ABR: variants seen among roughly 807,000 people sequenced by gnomAD.
ABR encodes the protein ABR activator of RhoGEF and GTPase, also known as active breakpoint cluster region-related protein.
In ABR, 35 loss-of-function variants were observed where a neutral mutation model predicts 107.2. That is an observed-to-expected ratio of 0.33 (90% confidence interval 0.25 to 0.43). The LOEUF (loss-of-function observed/expected upper bound fraction) is 0.43. Among genes scored for constraint, ABR ranks in the 20% least tolerant of loss-of-function variants. The probability of loss-of-function intolerance (pLI) is 1.00; values close to 1 mark genes in which losing one functional copy is unlikely to be tolerated. For missense variants in ABR, 815 were observed against 1,115.2 expected (o/e 0.73, Z 3.83); for synonymous variants, 498 against 462.0 (o/e 1.08, Z -1.00).
rs372447239 is a variant in ABR at position 1,057,122 on chromosome 17, A to G, written c.1382-20T>C. ...GGAGATCTGGAGGGAGAGCCGAGAG[A>G]GAAGGGAGCGTGGGCACTGGTCCAC... On this transcript the variant is annotated intron_variant, in intron 12 of 22. Transcript: ENST00000302538. 4.5e-6 allele frequency: 7 copies of G among 1,565,664 alleles called. No homozygotes were observed. Among genetic ancestry groups the G allele is most frequent in the Non-Finnish European group, 6.2e-6 (7 of 1,138,026 alleles).
chr17:1,222,074 C>CTTTTTT (rs1488404002), intron 1 of ABR, among the ~76,000 whole-genome samples: 6 of 144,768 alleles, frequency 4.1e-5, no homozygotes, highest in Non-Finnish European at 6.0e-5. Context: ...AGGATCCCAT[C>CTTTTTT]TTTTTTTCTG....
intron 6 of ABR, among the ~76,000 whole-genome samples, chr17:1,075,654 T>C (rs1377707503): frequency 6.6e-6 from 1 of 152,274 alleles, no homozygotes; most frequent in African/African-American, 2.4e-5. Flanking sequence ...TCAGCATTTC[T>C]ATAAAGCTTC....
intron 10 of ABR, among the ~76,000 whole-genome samples, chr17:1,066,718 A>ATT (rs2034780055): frequency 1.3e-5 from 2 of 151,774 alleles, no homozygotes; most frequent in African/African-American, 4.8e-5. Flanking sequence ...TAGTAGAGAC[A>ATT]GGGTTTTGCC....
Position 1,200,448 on chromosome 17 carries a change from A to G in ABR, c.838+28345T>C, listed in dbSNP as rs555637949. ...ATGTAACTATTACAGCACCTTATAT[A>G]AGAGACTTGGGCGTCCTGGGATTCT... On this transcript the variant is annotated intron_variant, in intron 1 of 22. Transcript: ENST00000574139. The surrounding 1 kb of genome is among the most constrained non-coding windows in gnomAD (Gnocchi z 4.1). 2.6e-5 allele frequency among the ~76,000 whole-genome samples: 4 copies of G among 152,212 alleles called. No homozygotes were observed. In the East Asian group the frequency reaches 7.7e-4, roughly 29 times the overall value.
At position 1,021,753 on chromosome 17, in the gene ABR, G is replaced by A. The variant is rs71357148; in HGVS notation, c.1792-8589C>T. Among the ~76,000 whole-genome samples, 17 of 149,922 alleles carry A rather than the reference G, an allele frequency of 1.1e-4. No individual in the cohort carries two copies. In the South Asian group the frequency reaches 1.5e-3, roughly 13 times the overall value. ...CGGGAGGCGGAGGTTGCAGTGAGCC[G>A]GAGTTGAGATTGTGCCACTGCACTC... On this transcript the variant is annotated intron_variant, in intron 16 of 22. Transcript: ENST00000302538.
Position 1,011,033 on chromosome 17 carries a change from C to T in ABR, c.2102-170G>A, listed in dbSNP as rs944065811. 4.7e-5 allele frequency: 39 copies of T among 838,002 alleles called. No individual in the cohort carries two copies. The highest frequency in any genetic ancestry group is 3.7e-4 in the Middle Eastern group (1 of 2,730). The allele number at this position is 838,002 out of a possible 1,614,324, so 51.9% of individuals were successfully genotyped here. On this transcript the variant is annotated intron_variant, in intron 19 of 22. Coordinates refer to ENST00000302538, the MANE Select transcript of ABR (RefSeq NM_021962.5). This position sits in a 1 kb window ranked among gnomAD's most constrained non-coding sequence, Gnocchi z 4.8. ...GTGTCTGTGACTCGGCTCTGTGGGT[C>T]GGGGTTGGGGGAACAGGGAGAGATA...
At chr17:1,190,782 T>C (rs963285550), upstream of ABR, among the ~76,000 whole-genome samples, 25 of 152,224 alleles carry the variant, frequency 1.6e-4, no homozygotes, top group Admixed American at 1.1e-3. Context: ...AGATGCTGGT[T>C]GCTCACGGTA....
intron 16 of ABR, chr17:1,031,950 G>T (rs564838695): frequency 7.1e-6 from 6 of 846,956 alleles, no homozygotes; most frequent in South Asian, 5.9e-5. Context: ...CCCGCCCTCC[G>T]CGAGGCTGCA....
At chr17:1,114,200 G>A (rs1300041608) in intron 2 of ABR, among the ~76,000 whole-genome samples, 2 of 150,300 alleles carry the variant, frequency 1.3e-5, no homozygotes, top group Non-Finnish European at 3.0e-5. Flanking sequence ...GCTGGGCGCA[G>A]TGGCTCACGC....
chr17:1,159,512 A>G (rs868543329), intron 1 of ABR, among the ~76,000 whole-genome samples: 6 of 97,014 alleles, frequency 6.2e-5, no homozygotes, highest in Admixed American at 1.1e-4. Flanking sequence ...ACTCACACAC[A>G]GGAGAAGTAG....
chr17:1,109,415 G>C (rs936011482), intron 2 of ABR, among the ~76,000 whole-genome samples: 1 of 151,930 alleles, frequency 6.6e-6, no homozygotes, highest in Non-Finnish European at 1.5e-5. Flanking sequence ...CCGGGGCTCG[G>C]GCTCGCGCTC....
In ABR at chr17:1,067,179, G is replaced by A. The variant is rs199545490; in HGVS notation, c.1080C>T (p.Pro360=). Residue 360 remains proline, a synonymous_variant, in exon 10 of 23, where the codon CCC becomes CCT. Transcript: ENST00000302538. The part of the protein sequence containing the change: ...IPLADLVFPS[P]EESEASPQVH... Reference sequence around the variant, plus strand: ...CCTGGGGGCTGGCCTCAGACTCCTCGGGGGATGGAAACACCAGGTCGGCCA... The same window carrying A: ...CCTGGGGGCTGGCCTCAGACTCCTCAGGGGATGGAAACACCAGGTCGGCCA... The A allele has an allele frequency of 3.0e-5, 49 of 1,613,170 alleles. No individual in the cohort carries two copies. Among genetic ancestry groups the A allele is most frequent in the East Asian group, 4.5e-5 (2 of 44,850 alleles).
intron 1 of ABR, among the ~76,000 whole-genome samples, chr17:1,134,522 G>T (rs1485400135): frequency 1.3e-5 from 2 of 152,210 alleles, no homozygotes; most frequent in African/African-American, 4.8e-5. Flanking sequence ...CTCATTTCCT[G>T]CTCATGGGAA....
At chr17:1,192,266 G>A (rs767867606), upstream of ABR, among the ~76,000 whole-genome samples, 13 of 152,000 alleles carry the variant, frequency 8.6e-5, no homozygotes, top group African/African-American at 2.4e-4. Context: ...CATGAGCCAC[G>A]GCGCCCTGCA....
intron 1 of ABR, among the ~76,000 whole-genome samples, chr17:1,196,418 G>A (rs1046867206): frequency 3.3e-5 from 5 of 152,034 alleles, no homozygotes; most frequent in Non-Finnish European, 5.9e-5. Flanking sequence ...TGACAAGAGT[G>A]AAAACTCTGG....
rs185758979 is a variant in ABR at position 1,044,284 on chromosome 17, G to A, written c.1791+5766C>T. 3.8e-3 allele frequency among the ~76,000 whole-genome samples: 572 copies of A among 152,308 alleles called. 3 individuals are homozygous for A. The highest frequency in any genetic ancestry group is 0.012 in the African/African-American group (515 of 41,556). ...CCCACTAACAAGCTCTGTGACCGCGGCTGCCTCGCTCACCCTTGCTGGTGT... is the reference window on the plus strand; with the variant it reads ...CCCACTAACAAGCTCTGTGACCGCGACTGCCTCGCTCACCCTTGCTGGTGT... On this transcript the variant is annotated intron_variant, in intron 16 of 22. Coordinates refer to ENST00000302538, the MANE Select transcript of ABR (RefSeq NM_021962.5).
chr17:1,098,541 TCAACCCACTGTACTGGTTTCA>T (rs1018006095), intron 3 of ABR, among the ~76,000 whole-genome samples: 4 of 152,334 alleles, frequency 2.6e-5, no homozygotes, highest in East Asian at 3.9e-4. Context: ...AAATGCTGGT[TCAACCCACTGTACTGGTTTCA>T]CAACCCACTG....
At chr17:1,184,564 C>T (rs2042233690), upstream of ABR, among the ~76,000 whole-genome samples, 1 of 152,244 alleles carries the variant, frequency 6.6e-6, no homozygotes, top group Admixed American at 6.5e-5. Context: ...GCTATGACCA[C>T]ATGGTGCCTC....
At chr17:1,109,012 A>G (rs2038466592) in intron 2 of ABR, 1 of 1,597,826 alleles carries the variant, frequency 6.3e-7, no homozygotes. Flanking sequence ...GGAGAAACAC[A>G]TCTTCGTCCT....
Sources: gnomAD v4.1 joint callset for allele counts (sites outside exome capture counted in the v4.1 genomes callset) on GRCh38, gnomAD v4.1.1 for gene constraint, Gnocchi (gnomAD v3.1) non-coding constraint, MANE v1.5 for transcripts, NCBI Gene and HGNC (gene_info 2026-07-23, HGNC 2026-07-21) for gene names.